FRMD4B: variants seen among roughly 807,000 people sequenced by gnomAD.
The protein encoded by FRMD4B is FERM domain-containing protein 4B.
In FRMD4B, 74 loss-of-function variants were observed where a neutral mutation model predicts 141.5. The observed-to-expected ratio is 0.52, with a 90% confidence interval of 0.43 to 0.63. The LOEUF is 0.63. Among genes scored for constraint, FRMD4B ranks in the 30% least tolerant of loss-of-function variants. The pLI is 0.00. For synonymous variants in FRMD4B, 506 were observed against 467.9 expected (o/e 1.08, Z -1.05); for missense variants, 1,366 against 1,253.4 (o/e 1.09, Z -1.36).
At chr3:69,229,023 T>TG (rs1474668461) in intron 7 of FRMD4B, among the ~76,000 whole-genome samples, 2 of 149,616 alleles carry the variant, frequency 1.3e-5, no homozygotes, top group Non-Finnish European at 3.0e-5. Flanking sequence ...ATGTTTTTTT[T>TG]TTTTTTTTTG....
chr3:69,231,374 G>A (rs2093304275), intron 7 of FRMD4B, among the ~76,000 whole-genome samples: 1 of 152,102 alleles, frequency 6.6e-6, no homozygotes, highest in African/African-American at 2.4e-5. Flanking sequence ...TGCAACCTCC[G>A]CCTCCTGGGT....
chr3:69,318,327 A>T (rs1264460176), intron 1 of FRMD4B, among the ~76,000 whole-genome samples: 2 of 152,188 alleles, frequency 1.3e-5, no homozygotes, highest in African/African-American at 4.8e-5. Context: ...ACAAATTTCC[A>T]TGCCAAAACC....
intron 1 of FRMD4B, chr3:69,472,202 C>T (rs981293054): frequency 7.1e-6 from 2 of 282,198 alleles, no homozygotes; most frequent in Non-Finnish European, 7.4e-6. Flanking sequence ...ATAGCATTTA[C>T]AGAGCTGAAG....
At chr3:69,448,856 T>C (rs1705448624) in intron 1 of FRMD4B, among the ~76,000 whole-genome samples, 1 of 152,244 alleles carries the variant, frequency 6.6e-6, no homozygotes, top group African/African-American at 2.4e-5. Context: ...TTCTTTAGTG[T>C]ATATTCCTTG....
intron 5 of FRMD4B, among the ~76,000 whole-genome samples, chr3:69,255,928 A>G (rs1273740340): frequency 1.3e-5 from 2 of 152,106 alleles, no homozygotes; most frequent in African/African-American, 4.8e-5. Context: ...TACAGTTCAA[A>G]AATTGACAAG....
At chr3:69,526,601 G>A (rs1404689091) in intron 1 of FRMD4B, among the ~76,000 whole-genome samples, 2 of 152,156 alleles carry the variant, frequency 1.3e-5, no homozygotes, top group South Asian at 4.1e-4. Flanking sequence ...GTGGGGCCGA[G>A]AAAATTGTTA....
chr3:69,380,678 C>A (rs1704093515), intron 1 of FRMD4B, among the ~76,000 whole-genome samples: 1 of 152,184 alleles, frequency 6.6e-6, no homozygotes, highest in South Asian at 2.1e-4. Flanking sequence ...ATGCTACCCC[C>A]TCAGGGACAG....
At chr3:69,327,674 G>A (rs890035559) in intron 1 of FRMD4B, among the ~76,000 whole-genome samples, 1 of 152,166 alleles carries the variant, frequency 6.6e-6, no homozygotes, top group African/African-American at 2.4e-5. Flanking sequence ...CAAACGGATT[G>A]TATTAGGTCC....
intron 1 of FRMD4B, among the ~76,000 whole-genome samples, chr3:69,517,217 C>T (rs1700774139): frequency 6.6e-6 from 1 of 152,182 alleles, no homozygotes; most frequent in African/African-American, 2.4e-5. Context: ...CACTAACTGA[C>T]ATTGTTCCTG....
At chr3:69,194,022 G>A (rs976224294) in intron 16 of FRMD4B, 149 bp from the exon 17 acceptor site, 6 of 610,812 alleles carry the variant, frequency 9.8e-6, no homozygotes, top group African/African-American at 1.9e-5. Flanking sequence ...AGACATCCTT[G>A]TCAAACACTT....
chr3:69,472,010 A>G (rs1705901448), intron 1 of FRMD4B: 1 of 153,130 alleles, frequency 6.5e-6, no homozygotes, highest in Non-Finnish European at 1.5e-5. Flanking sequence ...TTTTTTATAA[A>G]AGAGAACTTG....
intron 1 of FRMD4B, chr3:69,535,848 G>T: frequency 2.2e-6 from 1 of 462,526 alleles, no homozygotes. Context: ...TAGGAGCCTT[G>T]GTCTTGGCTA....
At chr3:69,307,095 C>T (rs1701420591) in intron 3 of FRMD4B, among the ~76,000 whole-genome samples, 1 of 152,192 alleles carries the variant, frequency 6.6e-6, no homozygotes, top group South Asian at 2.1e-4. Flanking sequence ...CCAGGAGACA[C>T]CTCCCCAAAC....
chr3:69,472,925 C>CTTTTTTTTTTT lies in FRMD4B; in HGVS notation c.-128-40175_-128-40165dup, dbSNP rs796453101. On this transcript the variant is annotated intron_variant, in intron 1 of 5. Transcript: ENST00000459638. ...TATCCAAGGCTTCAAGTGAGTCTTT[C>CTTTTTTTTTTT]TTTTTTTTTTTTCTTTTTTTTTTTT... Among the ~76,000 whole-genome samples the CTTTTTTTTTTT allele has an allele frequency of 4.9e-3, 449 of 90,804 alleles. 25 individuals are homozygous for CTTTTTTTTTTT. Among genetic ancestry groups the CTTTTTTTTTTT allele is most frequent in the Non-Finnish European group, 6.5e-3 (305 of 46,690 alleles). The allele number at this position is 90,804 out of a possible 152,430, so 59.6% of individuals were successfully genotyped here.
At chr3:69,436,491 T>C (rs557969455) in intron 1 of FRMD4B, among the ~76,000 whole-genome samples, 1 of 152,328 alleles carries the variant, frequency 6.6e-6, no homozygotes, top group Admixed American at 6.5e-5. Context: ...GCATTGATGA[T>C]GGGATTGTAA....
intron 2 of FRMD4B, among the ~76,000 whole-genome samples, chr3:69,421,456 G>T (rs1184626045): frequency 6.6e-6 from 1 of 152,170 alleles, no homozygotes; most frequent in African/African-American, 2.4e-5. Flanking sequence ...CACATGTTTT[G>T]TCCAGTGAGG....
chr3:69,452,714 T>C (rs1013636726), intron 1 of FRMD4B, among the ~76,000 whole-genome samples: 2 of 152,134 alleles, frequency 1.3e-5, no homozygotes. Flanking sequence ...ATATAGCAAA[T>C]AGCAAATTCA....
At chr3:69,458,389 TG>T (rs1705652327) in intron 1 of FRMD4B, among the ~76,000 whole-genome samples, 1 of 152,046 alleles carries the variant, frequency 6.6e-6, no homozygotes, top group African/African-American at 2.4e-5. Flanking sequence ...ACAGGAAAGA[TG>T]GGAAAATATA....
At position 69,539,751 on chromosome 3, in the gene FRMD4B, T is replaced by G. The variant is rs376543290; in HGVS notation, c.-129+2455A>C. ...GATGTCACAAAGAAGTGATTAAACT[T>G]CTACCATTCAGTAAGTCCTTGGAGT... On this transcript the variant is annotated intron_variant, in intron 1 of 5. Transcript: ENST00000459638. Among the ~76,000 whole-genome samples, 10 of 152,364 alleles carry G rather than the reference T, an allele frequency of 6.6e-5. No individual in the cohort carries two copies. In the South Asian group the frequency reaches 2.1e-3, roughly 32 times the overall value.
Sources: gnomAD v4.1 joint callset for allele counts (sites outside exome capture counted in the v4.1 genomes callset) on GRCh38, gnomAD v4.1.1 for gene constraint, MANE v1.5 for transcripts, NCBI Gene and HGNC (gene_info 2026-07-23, HGNC 2026-07-21) for gene names.